Variants in ANO6 observed in about 807,000 individuals in gnomAD.
ANO6 encodes the protein anoctamin-6.
Under a neutral mutation model 117.5 loss-of-function variants are expected in ANO6, and 106 were observed. The observed-to-expected ratio is 0.90, with a 90% CI of 0.77 to 1.06. The LOEUF is 1.06. ANO6 is among the 50% of genes least tolerant of loss of function. ANO6 has a pLI of 0.00. For synonymous variants in ANO6, 367 were observed against 385.1 expected, an observed-to-expected ratio of 0.95 and a Z score of 0.55; for missense variants, 955 against 1,121.1, an observed-to-expected ratio of 0.85 and a Z score of 2.12.
chr12:45,405,651 G>A (rs1331881656), intron 15 of ANO6, among the ~76,000 whole-genome samples: 2 of 152,096 alleles, frequency 1.3e-5, no homozygotes, highest in Admixed American at 6.6e-5. Flanking sequence ...GGTTCACACT[G>A]GTAATCCCAG....
At chr12:45,414,943 T>C (rs1176226059) in intron 16 of ANO6, among the ~76,000 whole-genome samples, 1 of 152,128 alleles carries the variant, frequency 6.6e-6, no homozygotes, top group Non-Finnish European at 1.5e-5. Context: ...TTTGTATTTT[T>C]TGTAGAGACA....
intron 12 of ANO6, among the ~76,000 whole-genome samples, chr12:45,397,888 T>C (rs989223412): frequency 6.6e-6 from 1 of 152,034 alleles, no homozygotes. Context: ...ATGTGAACGA[T>C]GAGTTGATGG....
intron 1 of ANO6, among the ~76,000 whole-genome samples, chr12:45,301,190 G>A (rs1185096564): frequency 6.6e-6 from 1 of 151,980 alleles, no homozygotes; most frequent in Non-Finnish European, 1.5e-5. Context: ...GATAATTAGG[G>A]TAGTATGGGT....
chr12:45,225,466 C>T (rs1465316557), intron 1 of ANO6, among the ~76,000 whole-genome samples: 1 of 151,874 alleles, frequency 6.6e-6, no homozygotes, highest in Non-Finnish European at 1.5e-5. Flanking sequence ...AGATGTTCAA[C>T]AAAACATATG....
chr12:45,341,636 G>A (rs935318517), intron 3 of ANO6, among the ~76,000 whole-genome samples: 1 of 152,198 alleles, frequency 6.6e-6, no homozygotes, highest in Non-Finnish European at 1.5e-5. Flanking sequence ...GTAGCCTGAA[G>A]ATCAGGATAG....
At chr12:45,230,432 ATATT>A (rs948609337) in intron 1 of ANO6, among the ~76,000 whole-genome samples, 6 of 149,358 alleles carry the variant, frequency 4.0e-5, no homozygotes, top group African/African-American at 1.5e-4. Flanking sequence ...TATGTATAAA[ATATT>A]TAACATATAT....
Position 45,220,638 on chromosome 12 carries a change from A to G in ANO6, c.70+4247A>G, listed in dbSNP as rs544139440. On this transcript the variant is annotated intron_variant, in intron 1 of 19. Transcript: ENST00000320560. The stretch of plus-strand genomic sequence containing the variant: ...TAGAACCAGACTGTGATATTGTGAA[A>G]TATATAAGGCATTCTTCCAGTTTCT... Among the ~76,000 whole-genome samples the G allele has an allele frequency of 1.2e-3, 184 of 152,338 alleles. 1 individual carries two copies. The Middle Eastern group carries it at 0.02, about 17-fold the overall frequency.
intron 2 of ANO6, among the ~76,000 whole-genome samples, chr12:45,302,407 T>C (rs1013044465): frequency 2.0e-5 from 3 of 152,216 alleles, no homozygotes; most frequent in African/African-American, 7.2e-5. Flanking sequence ...TTGCTGTCAG[T>C]ATCTGTTGTT....
At chr12:45,284,815 A>C (rs1169915289) in intron 1 of ANO6, among the ~76,000 whole-genome samples, 2 of 152,260 alleles carry the variant, frequency 1.3e-5, no homozygotes, top group Non-Finnish European at 2.9e-5. Context: ...GGCGCATAAA[A>C]GGAAAGGACA....
At chr12:45,263,078 T>A (rs1938095848) in intron 1 of ANO6, among the ~76,000 whole-genome samples, 1 of 152,090 alleles carries the variant, frequency 6.6e-6, no homozygotes, top group East Asian at 1.9e-4. Context: ...TGCATCAGAT[T>A]TTTTTGCTGT....
In ANO6 at chr12:45,403,244, A is replaced by G. The variant is rs771128425; in HGVS notation, c.1782+3A>G. 1.9e-6 allele frequency: 3 copies of G among 1,613,430 alleles called. No individual in the cohort carries two copies. Among genetic ancestry groups the G allele is most frequent in the African/African-American group, 2.7e-5 (2 of 74,916 alleles). Reference sequence around the variant, plus strand: ...TGGGAAAATACAGAAATGAAGAGGTATGAATATATAATTGTATTATCTTGC... The same window carrying G: ...TGGGAAAATACAGAAATGAAGAGGTGTGAATATATAATTGTATTATCTTGC... On this transcript the variant is annotated splice_donor_region_variant and intron_variant, in intron 14 of 19. Transcript: ENST00000320560.
chr12:45,418,888 G>C (rs1261716155), intron 17 of ANO6, among the ~76,000 whole-genome samples: 1 of 152,154 alleles, frequency 6.6e-6, no homozygotes, highest in Non-Finnish European at 1.5e-5. Context: ...ATTAGGATTT[G>C]TTATACTTCC....
intron 1 of ANO6, among the ~76,000 whole-genome samples, chr12:45,238,151 CTTTTT>C (rs71437709): frequency 7.6e-6 from 1 of 130,872 alleles, no homozygotes; most frequent in African/African-American, 2.9e-5. Flanking sequence ...TTTTCTTTTT[CTTTTT>C]TTTTTTTTTT....
intron 8 of ANO6, among the ~76,000 whole-genome samples, chr12:45,366,255 A>G (rs981934337): frequency 6.6e-6 from 1 of 151,602 alleles, no homozygotes; most frequent in African/African-American, 2.4e-5. Context: ...TTTTAATGAC[A>G]TTCTTTTAAA....
intron 2 of ANO6, among the ~76,000 whole-genome samples, chr12:45,303,560 A>T (rs1304615877): frequency 2.0e-5 from 3 of 152,226 alleles, no homozygotes; most frequent in African/African-American, 7.2e-5. Context: ...ATGTGAAAAT[A>T]AAAGTATTTT....
intron 3 of ANO6, among the ~76,000 whole-genome samples, chr12:45,333,778 A>T (rs1940744243): frequency 6.6e-6 from 1 of 152,076 alleles, no homozygotes; most frequent in Non-Finnish European, 1.5e-5. Flanking sequence ...TTGGAAAAAC[A>T]TTTGTGAGTT....
In ANO6 at chr12:45,375,242, G is replaced by A. The variant is rs1303300736; in HGVS notation, c.1105-2811G>A. ...ATGGAAGAACATTCCATGCTCATTG[G>A]TAGGAAGAATCAATATCGTGAAAAT... On this transcript the variant is annotated intron_variant, in intron 9 of 19. Coordinates refer to ENST00000320560, the MANE Select transcript of ANO6 (RefSeq NM_001025356.3). Among the ~76,000 whole-genome samples the A allele has an allele frequency of 3.3e-5, 5 of 152,274 alleles. No homozygotes were observed. The South Asian group carries it at 8.3e-4, about 25-fold the overall frequency.
Position 45,430,705 on chromosome 12 carries a change from T to C in ANO6, c.*1394T>C, listed in dbSNP as rs1943610901. ...ATCTGGAGATTACTTCCTGCTGCAC[T>C]CCTGTCTTGCCATGCACGTCTTGCC... On this transcript the variant is annotated 3_prime_UTR_variant, in exon 20 of 20. Transcript: ENST00000320560. 1.0e-6 allele frequency: 1 copy of C among 985,460 alleles called. No individual in the cohort carries two copies. The highest frequency in any genetic ancestry group is 4.7e-5 in the South Asian group (1 of 21,284). 61.0% of individuals were successfully genotyped at this position (985,460 alleles called of 1,614,324 possible). A position where few individuals can be genotyped will look rare whatever the true frequency, so the allele number is the denominator to read the frequency against.
At chr12:45,267,416 A>T (rs1254280268) in intron 1 of ANO6, among the ~76,000 whole-genome samples, 4 of 152,170 alleles carry the variant, frequency 2.6e-5, no homozygotes, top group Non-Finnish European at 1.5e-5. Flanking sequence ...TTCCAAATCC[A>T]GTCACATTTT....
Sources: allele counts gnomAD v4.1 joint callset (sites outside exome capture counted in the v4.1 genomes callset), GRCh38; gene constraint gnomAD v4.1.1; transcripts MANE v1.5; gene names NCBI Gene and HGNC (gene_info 2026-07-23, HGNC 2026-07-21).